PRKD1: variants seen among roughly 807,000 people sequenced by gnomAD.
The protein encoded by PRKD1 is protein kinase D1.
Under a neutral mutation model 95.9 loss-of-function variants are expected in PRKD1, and 63 were observed. The ratio of observed to expected loss-of-function variants is 0.66; its 90% CI spans 0.54 to 0.81. The LOEUF (loss-of-function observed/expected upper bound fraction) is 0.81, where lower values mean the gene tolerates loss of function less well. PRKD1 is among the 30% of genes least tolerant of loss of function. PRKD1 has a pLI of 0.00. For missense variants in PRKD1, 1,048 were observed against 1,165.3 expected (o/e 0.90, Z 1.47); for synonymous variants, 425 against 423.1 (o/e 1.00, Z -0.05).
chr14:29,607,889 A>G (rs8016881), intron 13 of PRKD1, among the ~76,000 whole-genome samples: 8,065 of 152,260 alleles, frequency 0.053, 502 homozygotes, highest in South Asian at 0.17. Flanking sequence ...GTGGGGGGGC[A>G]TTCTGCCTAC....
chr14:29,751,723 T>C (rs560881446), intron 1 of PRKD1, among the ~76,000 whole-genome samples: 6 of 152,352 alleles, frequency 3.9e-5, no homozygotes, highest in East Asian at 1.9e-4. Context: ...TCCATATTGG[T>C]TCCCTTACCC....
chr14:29,817,411 A>T (rs1448807719), intron 1 of PRKD1, among the ~76,000 whole-genome samples: 2 of 152,214 alleles, frequency 1.3e-5, no homozygotes, highest in African/African-American at 4.8e-5. Context: ...CCCTCTGAAA[A>T]GCTGTGAACA....
chr14:29,881,369 A>G (rs1416448664), intron 1 of PRKD1, among the ~76,000 whole-genome samples: 2 of 152,012 alleles, frequency 1.3e-5, no homozygotes, highest in African/African-American at 4.8e-5. Context: ...ACCTCCCACC[A>G]TGATTCTGAG....
chr14:29,711,279 A>G (rs1885323396), intron 2 of PRKD1, among the ~76,000 whole-genome samples: 1 of 152,172 alleles, frequency 6.6e-6, no homozygotes, highest in Non-Finnish European at 1.5e-5. Context: ...GGCCAGGACT[A>G]TGCTAATTAG....
chr14:29,656,676 GAT>G (rs1183948307), intron 4 of PRKD1, among the ~76,000 whole-genome samples: 1 of 152,086 alleles, frequency 6.6e-6, no homozygotes, highest in Non-Finnish European at 1.5e-5. Context: ...TAACTACAGA[GAT>G]ATCTGAGTTG....
chr14:29,619,043 C>A (rs1454352665), intron 13 of PRKD1, among the ~76,000 whole-genome samples: 2 of 152,114 alleles, frequency 1.3e-5, no homozygotes, highest in African/African-American at 4.8e-5. Flanking sequence ...AGCTAGAGGA[C>A]CACAAAGTAG....
chr14:29,790,140 T>C (rs1889471941), intron 1 of PRKD1, among the ~76,000 whole-genome samples: 1 of 150,964 alleles, frequency 6.6e-6, no homozygotes, highest in Non-Finnish European at 1.5e-5. Context: ...GCCTCCTGAG[T>C]AGCTTGGACT....
chr14:29,768,528 C>G (rs1353736782), intron 1 of PRKD1, among the ~76,000 whole-genome samples: 1 of 152,080 alleles, frequency 6.6e-6, no homozygotes, highest in Non-Finnish European at 1.5e-5. Context: ...TTCTTAGAAC[C>G]TGTTCAGTTC....
chr14:29,845,016 TGCA>T (rs1892025561), intron 1 of PRKD1, among the ~76,000 whole-genome samples: 1 of 152,224 alleles, frequency 6.6e-6, no homozygotes, highest in South Asian at 2.1e-4. Flanking sequence ...TTTACATGTG[TGCA>T]GCATGCCAAT....
intron 4 of PRKD1, among the ~76,000 whole-genome samples, chr14:29,639,712 A>G (rs1299222437): frequency 6.6e-6 from 1 of 152,110 alleles, no homozygotes; most frequent in East Asian, 1.9e-4. Context: ...ACCTAAAGAA[A>G]AAAATAAATA....
intron 1 of PRKD1, among the ~76,000 whole-genome samples, chr14:29,889,218 C>G (rs1893850314): frequency 6.6e-6 from 1 of 152,210 alleles, no homozygotes; most frequent in Non-Finnish European, 1.5e-5. Flanking sequence ...TCAGACTCCA[C>G]TCAGTTGTCA....
intron 1 of PRKD1, among the ~76,000 whole-genome samples, chr14:29,842,880 G>GTCCCT (rs1891914216): frequency 6.6e-6 from 1 of 152,098 alleles, no homozygotes; most frequent in Non-Finnish European, 1.5e-5. Flanking sequence ...GTATAGCAGG[G>GTCCCT]AAGAGAGAAT....
chr14:29,810,534 T>C (rs1890439261), intron 1 of PRKD1, among the ~76,000 whole-genome samples: 1 of 152,250 alleles, frequency 6.6e-6, no homozygotes, highest in African/African-American at 2.4e-5. Context: ...GAATCTTTCA[T>C]TGTTCCAAGA....
At chr14:29,846,320 T>C (rs539139846) in intron 1 of PRKD1, among the ~76,000 whole-genome samples, 3 of 152,114 alleles carry the variant, frequency 2.0e-5, no homozygotes, top group Admixed American at 1.3e-4. Flanking sequence ...AAATGAAACA[T>C]GAAGGGAAGG....
At chr14:29,732,152 C>T (rs766908832) in intron 1 of PRKD1, among the ~76,000 whole-genome samples, 8 of 152,064 alleles carry the variant, frequency 5.3e-5, no homozygotes, top group Non-Finnish European at 1.0e-4. Context: ...GGATTACAGG[C>T]GTGAGTCACT....
At chr14:29,817,412 G>T (rs1186550584) in intron 1 of PRKD1, among the ~76,000 whole-genome samples, 2 of 152,122 alleles carry the variant, frequency 1.3e-5, no homozygotes, top group African/African-American at 4.8e-5. Context: ...CCTCTGAAAA[G>T]CTGTGAACAT....
At chr14:29,703,139 C>G (rs1884921547) in intron 2 of PRKD1, among the ~76,000 whole-genome samples, 2 of 152,124 alleles carry the variant, frequency 1.3e-5, no homozygotes, top group Non-Finnish European at 2.9e-5. Context: ...GTTACCTCAT[C>G]AATATTTACC....
At chr14:29,579,531 G>A (rs1892684125) in intron 16 of PRKD1, among the ~76,000 whole-genome samples, 1 of 152,046 alleles carries the variant, frequency 6.6e-6, no homozygotes, top group Admixed American at 6.6e-5. Context: ...AGGCAGCTTT[G>A]AATCCACTTT....
At chr14:29,674,330 G>C (rs1358972412) in intron 2 of PRKD1, among the ~76,000 whole-genome samples, 1 of 151,992 alleles carries the variant, frequency 6.6e-6, no homozygotes, top group African/African-American at 2.4e-5. Context: ...CTACTGTTCT[G>C]GTTAACACTA....
Sources: gnomAD v4.1 joint callset for allele counts (sites outside exome capture counted in the v4.1 genomes callset) on GRCh38, gnomAD v4.1.1 for gene constraint, MANE v1.5 for transcripts, NCBI Gene and HGNC (gene_info 2026-07-23, HGNC 2026-07-21) for gene names.